Variants in NLRC5 observed in about 807,000 individuals in gnomAD.
NLRC5 encodes NLR family CARD domain containing 5.
In NLRC5, 114 loss-of-function variants were observed where a neutral mutation model predicts 206.9. The observed-to-expected ratio is 0.55, with a 90% CI of 0.47 to 0.64. NLRC5 has a LOEUF of 0.64. Ranked by LOEUF, NLRC5 falls within the 30% of genes least tolerant of loss-of-function variation. The pLI is 0.00. For synonymous variants in NLRC5, 952 were observed against 962.8 expected (o/e 0.99, Z 0.21); for missense variants, 2,008 against 2,305.5 (o/e 0.87, Z 2.64).
chr16:57,045,486 C>G lies in NLRC5; in HGVS notation c.3242C>G (p.Thr1081Arg). Residue 1081 changes from threonine to arginine, a missense_variant, in exon 21 of 49, where the codon ACA becomes AGA. By Grantham distance (71) the Thr-to-Arg change is moderately conservative. Transcript: ENST00000688547. Reference sequence around the variant, plus strand: ...CACATCCTCCTGAGAGGGGACAAGACAAGCAGGTGAGGAGGGAACGCTCGG... The same window carrying G: ...CACATCCTCCTGAGAGGGGACAAGAGAAGCAGGTGAGGAGGGAACGCTCGG... Reference protein sequence around the residue: ...SQHILLRGDKTSRDMWATGSL... With the variant: ...SQHILLRGDKRSRDMWATGSL... The G allele has an allele frequency of 6.2e-7, 1 of 1,614,056 alleles. No homozygotes were observed. Among genetic ancestry groups the G allele is most frequent in the Non-Finnish European group, 8.5e-7 (1 of 1,179,988 alleles).
chr16:57,067,352 T>C (rs753357026), intron 34 of NLRC5, 35 bp from the exon 35 acceptor site: 2 of 1,572,124 alleles, frequency 1.3e-6, no homozygotes, highest in Non-Finnish European at 1.8e-6. Context: ...CTGGACTAGA[T>C]GTTCCAAAAC....
At chr16:57,063,590 G>C (rs1480685911) in intron 32 of NLRC5, among the ~76,000 whole-genome samples, 1 of 152,078 alleles carries the variant, frequency 6.6e-6, no homozygotes, top group Non-Finnish European at 1.5e-5. Flanking sequence ...AGGTCTCACT[G>C]TTTTGCCCAG....
chr16:57,016,875 G>A (rs191830865), intron 1 of NLRC5, among the ~76,000 whole-genome samples, 199 bp from the exon 2 acceptor site: 208 of 152,264 alleles, frequency 1.4e-3, no homozygotes, highest in Admixed American at 3.8e-3. Flanking sequence ...GGAGGGTTAG[G>A]CTGCGTAAAC....
chr16:57,058,895 G>A, intron 28 of NLRC5, 77 bp from the exon 29 acceptor site: 1 of 1,192,126 alleles, frequency 8.4e-7, no homozygotes, highest in Non-Finnish European at 1.3e-6. Context: ...ACAGCTGGAA[G>A]GGAGATGGAG....
At chr16:57,071,828 T>C (rs1486248520) in intron 38 of NLRC5, among the ~76,000 whole-genome samples, 8 of 150,874 alleles carry the variant, frequency 5.3e-5, no homozygotes, top group Non-Finnish European at 3.0e-5. Flanking sequence ...CAGTGGTTAA[T>C]GGGGAAAGGA....
Position 57,079,042 on chromosome 16 carries a change from T to G in NLRC5, c.5082-8T>G. ...TCAGGCTCCTCTCACCCTCTCCTCT[T>G]TCCCCAGCCTACCATTCAGCCATCT... On this transcript the variant is annotated splice_region_variant and splice_polypyrimidine_tract_variant and intron_variant, in intron 43 of 48. Transcript: ENST00000688547. The G allele has an allele frequency of 6.2e-7, 1 of 1,613,574 alleles. No individual in the cohort carries two copies. The highest frequency in any genetic ancestry group is 8.5e-7 in the Non-Finnish European group (1 of 1,179,610).
intron 1 of NLRC5, chr16:56,990,982 G>A (rs1321820580): frequency 6.6e-6 from 1 of 152,094 alleles, no homozygotes; most frequent in Non-Finnish European, 1.5e-5. Flanking sequence ...GACAGACTGG[G>A]GCTCTCAACA....
intron 1 of NLRC5, among the ~76,000 whole-genome samples, chr16:57,007,728 C>CA (rs1353503068): frequency 2.6e-5 from 4 of 151,816 alleles, no homozygotes; most frequent in East Asian, 3.9e-4. Flanking sequence ...GACTCTGTCT[C>CA]AAAAAAAAAT....
intron 28 of NLRC5, 74 bp downstream of exon 28, chr16:57,058,222 C>T: frequency 1.6e-6 from 2 of 1,252,066 alleles, no homozygotes; most frequent in Non-Finnish European, 2.3e-6. Context: ...GATGGGGGCT[C>T]CTTCTGAGGG....
intron 1 of NLRC5, among the ~76,000 whole-genome samples, chr16:56,994,809 T>C (rs1434031001): frequency 3.3e-5 from 5 of 152,146 alleles, no homozygotes; most frequent in African/African-American, 1.2e-4. Flanking sequence ...CTGCTTAAAG[T>C]CTGCTTTTGT....
rs758961195 is a variant in NLRC5 at position 57,051,506 on chromosome 16, C to T, written c.3423-32C>T. ...TGCTCCCTGCTTTCCTGGAAGGTTT[C>T]CCCCACCTCATCCACCTGCTTTGTT... On this transcript the variant is annotated intron_variant, in intron 23 of 48. Transcript: ENST00000688547. 1.7e-5 allele frequency: 26 copies of T among 1,555,834 alleles called. No individual in the cohort carries two copies. In the Admixed American group the frequency reaches 2.2e-4, roughly 13 times the overall value.
At chr16:57,011,647 A>G (rs536677859) in intron 1 of NLRC5, among the ~76,000 whole-genome samples, 231 of 151,738 alleles carry the variant, frequency 1.5e-3, no homozygotes, top group African/African-American at 5.4e-3. Flanking sequence ...ACTTGAACTC[A>G]GGAGTAGGAG....
intron 2 of NLRC5, among the ~76,000 whole-genome samples, chr16:57,020,254 C>T (rs2060510964): frequency 6.6e-6 from 1 of 151,052 alleles, no homozygotes; most frequent in African/African-American, 2.4e-5. Context: ...CACCTGTTCT[C>T]CATCTAATCT....
chr16:57,036,826 G>A (rs1304023516), intron 14 of NLRC5, among the ~76,000 whole-genome samples: 1 of 152,046 alleles, frequency 6.6e-6, no homozygotes, highest in Non-Finnish European at 1.5e-5. Context: ...CTGGGCCTCG[G>A]TTTCCCCTCT....
intron 1 of NLRC5, among the ~76,000 whole-genome samples, chr16:56,998,827 C>T (rs2057932213): frequency 6.6e-6 from 1 of 152,228 alleles, no homozygotes; most frequent in African/African-American, 2.4e-5. Context: ...TGTACATAAT[C>T]CCACAGCGTG....
chr16:57,026,210 C>A lies in NLRC5; in HGVS notation c.1267C>A (p.His423Asn). Residue 423 changes from histidine (H) to asparagine (N), a missense_variant, in exon 6 of 49, where the codon CAC (histidine) becomes AAC (asparagine). Transcript: ENST00000688547. Reference protein sequence around the residue: ...CLCLHHLLPDHAPGQSVALLP... With the variant: ...CLCLHHLLPDNAPGQSVALLP... ...CTGCCTCCACCATCTGCTTCCTGAC[C>A]ACGCCCCAGGCCAGTCTGTGGCCCT... The A allele has an allele frequency of 6.2e-7, 1 of 1,613,750 alleles. No individual in the cohort carries two copies. Among genetic ancestry groups the A allele is most frequent in the Non-Finnish European group, 8.5e-7 (1 of 1,180,044 alleles).
chr16:57,081,444 C>T, intron 47 of NLRC5, 83 bp from the exon 48 acceptor site: 3 of 1,345,592 alleles, frequency 2.2e-6, no homozygotes, highest in East Asian at 2.3e-5. Flanking sequence ...TGACCTTGGC[C>T]TGAGGAAGGG....
intron 1 of NLRC5, chr16:57,014,042 TC>T (rs2059770839): frequency 3.4e-6 from 1 of 292,746 alleles, no homozygotes; most frequent in Non-Finnish European, 6.6e-6. Context: ...TTCTAAGCCT[TC>T]TTTAGCAGTC....
chr16:57,054,713 C>T, intron 24 of NLRC5, 38 bp from the exon 25 acceptor site: 2 of 1,177,874 alleles, frequency 1.7e-6, no homozygotes, highest in South Asian at 1.2e-5. Flanking sequence ...GGTTCCTTGT[C>T]CACTCATCTT....
Sources: allele counts gnomAD v4.1 joint callset (sites outside exome capture counted in the v4.1 genomes callset), GRCh38; gene constraint gnomAD v4.1.1; transcripts MANE v1.5; gene names NCBI Gene and HGNC (gene_info 2026-07-23, HGNC 2026-07-21).